Variants in HTR1F observed in about 807,000 individuals in gnomAD.
HTR1F encodes 5-hydroxytryptamine receptor 1F, also known as 5-hydroxytryptamine (serotonin) receptor 1F, G protein-coupled.
A neutral mutation model predicts 24.0 loss-of-function variants in HTR1F; 17 were observed. The ratio of observed to expected loss-of-function variants is 0.71; its 90% CI spans 0.48 to 1.06. The LOEUF (loss-of-function observed/expected upper bound fraction) is 1.06. Ranked by LOEUF, HTR1F falls within the 50% of genes least tolerant of loss-of-function variation. The pLI is 0.00. For synonymous variants in HTR1F, 186 were observed against 156.8 expected, an observed-to-expected ratio of 1.19 and a Z score of -1.39; for missense variants, 391 against 427.8, an observed-to-expected ratio of 0.91 and a Z score of 0.76.
intron 2 of HTR1F, among the ~76,000 whole-genome samples, chr3:87,824,797 A>G (rs746762845): frequency 6.6e-6 from 1 of 152,240 alleles, no homozygotes; most frequent in African/African-American, 2.4e-5. Context: ...AAAAATTACC[A>G]AATTAATTCA....
intron 2 of HTR1F, among the ~76,000 whole-genome samples, chr3:87,956,295 A>T (rs1576086558): frequency 6.6e-6 from 1 of 151,436 alleles, no homozygotes; most frequent in Non-Finnish European, 1.5e-5. Context: ...CCAGTGGATT[A>T]TCTTGGCACT....
chr3:87,855,403 C>A (rs1162405420), intron 2 of HTR1F, among the ~76,000 whole-genome samples: 1 of 152,062 alleles, frequency 6.6e-6, no homozygotes, highest in African/African-American at 2.4e-5. Context: ...AGATCTTTAT[C>A]CCAGAGGCCT....
intron 2 of HTR1F, among the ~76,000 whole-genome samples, chr3:87,857,298 T>C (rs919568481): frequency 2.0e-5 from 3 of 151,908 alleles, no homozygotes; most frequent in Non-Finnish European, 4.4e-5. Flanking sequence ...AAAAGTAGAA[T>C]ACAGATTACT....
At chr3:87,861,050 G>A (rs1459246882) in intron 2 of HTR1F, among the ~76,000 whole-genome samples, 1 of 152,106 alleles carries the variant, frequency 6.6e-6, no homozygotes, top group Non-Finnish European at 1.5e-5. Context: ...CCAGCTACAC[G>A]GGAAGCTGAG....
chr3:87,867,380 A>G (rs1171725568), intron 2 of HTR1F, among the ~76,000 whole-genome samples: 1 of 151,442 alleles, frequency 6.6e-6, no homozygotes, highest in Non-Finnish European at 1.5e-5. Context: ...TCTCTCATAT[A>G]TTTTCTCTTT....
In HTR1F at chr3:87,964,889, G is replaced by A. The variant is rs559661527; in HGVS notation, c.-42-25819G>A. On this transcript the variant is annotated intron_variant, in intron 2 of 2. Transcript: ENST00000319595. The stretch of plus-strand genomic sequence containing the variant: ...GGCTTGTAGGAGGCAATTGAATCAT[G>A]AGTGTGGATCTTTCCCATGCTGTTC... Among the ~76,000 whole-genome samples the A allele has an allele frequency of 1.4e-3, 210 of 152,240 alleles. 1 individual carries two copies. The highest frequency in any genetic ancestry group is 4.7e-3 in the African/African-American group (196 of 41,548).
chr3:87,935,888 T>A (rs1332778647), intron 2 of HTR1F, among the ~76,000 whole-genome samples: 2 of 152,102 alleles, frequency 1.3e-5, no homozygotes, highest in Non-Finnish European at 2.9e-5. Context: ...TCTCGCTCTG[T>A]CACCCAGGCT....
At chr3:87,932,363 A>G (rs1390005559) in intron 2 of HTR1F, among the ~76,000 whole-genome samples, 1 of 151,962 alleles carries the variant, frequency 6.6e-6, no homozygotes. Context: ...GTAGATATGC[A>G]GCGTTATTTC....
chr3:87,945,646 C>T (rs1266337996), intron 2 of HTR1F, among the ~76,000 whole-genome samples: 1 of 152,146 alleles, frequency 6.6e-6, no homozygotes, highest in Non-Finnish European at 1.5e-5. Flanking sequence ...CAGATGAATG[C>T]TCCCAACCCA....
chr3:87,956,625 C>T (rs1299468065), intron 2 of HTR1F, among the ~76,000 whole-genome samples: 1 of 151,122 alleles, frequency 6.6e-6, no homozygotes, highest in Non-Finnish European at 1.5e-5. Context: ...AAATATATGC[C>T]TTCCATTTAT....
intron 2 of HTR1F, among the ~76,000 whole-genome samples, chr3:87,916,066 C>T (rs1285305240): frequency 6.6e-6 from 1 of 151,992 alleles, no homozygotes. Context: ...CCTCCTCAAA[C>T]AAAACAATTA....
chr3:87,886,365 C>G lies in HTR1F; in HGVS notation c.-43+64241C>G, dbSNP rs552193712. On this transcript the variant is annotated intron_variant, in intron 2 of 2. Transcript: ENST00000319595. ...TCAAAATAATAAGAGCTATTTATGA[C>G]AAACCCACAGCCAGTATCATACTGA... Among the ~76,000 whole-genome samples, 4 of 152,244 alleles carry G rather than the reference C, an allele frequency of 2.6e-5. No homozygotes were observed. The South Asian group carries it at 8.3e-4, about 32-fold the overall frequency.
At chr3:87,817,593 C>T (rs1161424534) in intron 1 of HTR1F, among the ~76,000 whole-genome samples, 3 of 152,060 alleles carry the variant, frequency 2.0e-5, no homozygotes, top group South Asian at 2.1e-4. Context: ...GGCATTTTGT[C>T]GTTGTTTTGA....
At chr3:87,824,011 C>A (rs1238114454) in intron 2 of HTR1F, among the ~76,000 whole-genome samples, 1 of 150,430 alleles carries the variant, frequency 6.6e-6, no homozygotes, top group South Asian at 2.1e-4. Context: ...GAGCCAAGAT[C>A]GCACCAGCCT....
chr3:87,982,256 T>C (rs923247142), intron 2 of HTR1F, among the ~76,000 whole-genome samples: 8 of 152,228 alleles, frequency 5.3e-5, no homozygotes, highest in African/African-American at 1.9e-4. Flanking sequence ...GAGATATTTT[T>C]AAATATCTCA....
intron 2 of HTR1F, among the ~76,000 whole-genome samples, chr3:87,825,078 A>G (rs770566984): frequency 1.7e-4 from 26 of 152,220 alleles, no homozygotes; most frequent in Non-Finnish European, 3.2e-4. Context: ...GCACATAAAA[A>G]TATGTCATAG....
intron 2 of HTR1F, among the ~76,000 whole-genome samples, chr3:87,923,288 T>C (rs1488306894): frequency 1.3e-5 from 2 of 151,978 alleles, no homozygotes; most frequent in Non-Finnish European, 2.9e-5. Flanking sequence ...TATTTTTTTA[T>C]TTCTGTGAAT....
intron 2 of HTR1F, among the ~76,000 whole-genome samples, chr3:87,871,267 G>GA (rs1705549895): frequency 6.6e-6 from 1 of 151,546 alleles, no homozygotes; most frequent in Non-Finnish European, 1.5e-5. Flanking sequence ...ACAAATAAAT[G>GA]AAAAAATTGA....
At chr3:87,919,280 A>G (rs1382812441) in intron 2 of HTR1F, among the ~76,000 whole-genome samples, 1 of 152,186 alleles carries the variant, frequency 6.6e-6, no homozygotes, top group Non-Finnish European at 1.5e-5. Flanking sequence ...CTAGAAGATA[A>G]CACTGGAAAA....
Sources: gnomAD v4.1 joint callset for allele counts (sites outside exome capture counted in the v4.1 genomes callset) on GRCh38, gnomAD v4.1.1 for gene constraint, MANE v1.5 for transcripts, NCBI Gene and HGNC (gene_info 2026-07-23, HGNC 2026-07-21) for gene names.